Variants in USP13 observed in about 807,000 individuals in gnomAD.
USP13 encodes the protein ubiquitin carboxyl-terminal hydrolase 13.
In USP13, 68 loss-of-function variants were observed where a neutral mutation model predicts 107.8. The ratio of observed to expected loss-of-function variants is 0.63; its 90% CI spans 0.52 to 0.77. The LOEUF is 0.77. Ranked by LOEUF, USP13 falls within the 30% of genes least tolerant of loss-of-function variation. The pLI is 0.00. For missense variants in USP13, 945 were observed against 1,093.3 expected (o/e 0.86, Z 1.91); for synonymous variants, 377 against 389.5 (o/e 0.97, Z 0.38).
chr3:179,701,225 G>C, intron 4 of USP13, 96 bp downstream of exon 4: 1 of 363,156 alleles, frequency 2.8e-6, no homozygotes, highest in Non-Finnish European at 5.4e-6. Flanking sequence ...GGGGTGGGGT[G>C]GGAAAAGCCG....
intron 1 of USP13, among the ~76,000 whole-genome samples, chr3:179,664,572 A>G (rs1029159865): frequency 6.6e-6 from 1 of 152,170 alleles, no homozygotes; most frequent in African/African-American, 2.4e-5. Context: ...ACTGGGATCT[A>G]TGGTTGCAGA....
chr3:179,685,601 T>G (rs1188411107), intron 2 of USP13, among the ~76,000 whole-genome samples: 1 of 151,096 alleles, frequency 6.6e-6, no homozygotes, highest in Non-Finnish European at 1.5e-5. Flanking sequence ...GTTTTGTGAC[T>G]TAATATAAAG....
intron 19 of USP13, among the ~76,000 whole-genome samples, chr3:179,774,049 A>C (rs1045107247): frequency 6.4e-4 from 97 of 152,314 alleles, no homozygotes; most frequent in African/African-American, 2.2e-3. Flanking sequence ...AGTATACAAG[A>C]AGCACAGTGC....
At chr3:179,757,567 A>G (rs566188357) in intron 16 of USP13, among the ~76,000 whole-genome samples, 1 of 152,340 alleles carries the variant, frequency 6.6e-6, no homozygotes, top group East Asian at 1.9e-4. Context: ...ATAGCCTTTT[A>G]GTTCCTAATC....
At chr3:179,726,088 C>A (rs1484298376) in intron 8 of USP13, among the ~76,000 whole-genome samples, 1 of 151,850 alleles carries the variant, frequency 6.6e-6, no homozygotes, top group Admixed American at 6.6e-5. Flanking sequence ...CAGTCAGAAG[C>A]AGATGGTAGG....
intron 19 of USP13, among the ~76,000 whole-genome samples, chr3:179,778,452 A>C (rs1204407550): frequency 6.6e-6 from 1 of 152,210 alleles, no homozygotes; most frequent in Admixed American, 6.5e-5. Context: ...TAGACAATAA[A>C]TACGTGCACA....
intron 20 of USP13, 62 bp from the exon 21 acceptor site, chr3:179,783,983 ACTT>A: frequency 7.6e-7 from 1 of 1,315,984 alleles, no homozygotes; most frequent in Non-Finnish European, 1.1e-6. Flanking sequence ...TGATTTAGTG[ACTT>A]CTTTGTGTAA....
chr3:179,766,943 A>G (rs1715195682), intron 19 of USP13, among the ~76,000 whole-genome samples: 1 of 152,084 alleles, frequency 6.6e-6, no homozygotes, highest in South Asian at 2.1e-4. Flanking sequence ...TATACTCCCT[A>G]TACCTGCAGC....
At chr3:179,765,564 C>T (rs1715144511) in intron 18 of USP13, 131 bp from the exon 19 acceptor site, 7 of 1,070,668 alleles carry the variant, frequency 6.5e-6, no homozygotes, top group Non-Finnish European at 6.5e-6. Flanking sequence ...GCTTCTTACT[C>T]AGTGGCACTT....
rs145132804 is a variant in USP13 at position 179,732,505 on chromosome 3, G to T, written c.1254+1796G>T. Among the ~76,000 whole-genome samples the T allele has an allele frequency of 4.6e-5, 7 of 152,190 alleles. No individual in the cohort carries two copies. In the East Asian group the frequency reaches 1.4e-3, roughly 29 times the overall value. ...TCTGCAAGGAGTTGTGTGACTATGG[G>T]CAAGTCATGCCACCTTCCAATCTCA... On this transcript the variant is annotated intron_variant, in intron 10 of 20. Transcript: ENST00000263966.
rs1714140306 is a variant in USP13 at position 179,740,262 on chromosome 3, A to G, written c.1270A>G (p.Ile424Val). 6.2e-7 allele frequency: 1 copy of G among 1,613,984 alleles called. No individual in the cohort carries two copies. Among genetic ancestry groups the G allele is most frequent in the Non-Finnish European group, 8.5e-7 (1 of 1,179,958 alleles). ...KEEHKPQQNG[I>V]SPRMFKAFVS... ...TATACATTAGCCACAGCAGAACGGGATCTCTCCGCGCATGTTTAAGGCCTT... is the reference window on the plus strand; with the variant it reads ...TATACATTAGCCACAGCAGAACGGGGTCTCTCCGCGCATGTTTAAGGCCTT... Residue 424 changes from isoleucine (I) to valine (V), a missense_variant, in exon 11 of 21, where the codon ATC (isoleucine) becomes GTC (valine). By Grantham distance (29) the Ile-to-Val change is conservative (BLOSUM62 3). Transcript: ENST00000263966.
intron 8 of USP13, among the ~76,000 whole-genome samples, chr3:179,728,499 TG>T (rs1713657030): frequency 7.3e-6 from 1 of 136,614 alleles, no homozygotes; most frequent in Admixed American, 7.2e-5. Context: ...CTTTCCAGAC[TG>T]GGCAGCCAGG....
chr3:179,734,010 G>T (rs944544688), intron 10 of USP13, among the ~76,000 whole-genome samples: 2 of 152,164 alleles, frequency 1.3e-5, no homozygotes, highest in Non-Finnish European at 2.9e-5. Flanking sequence ...ATGGTGGCAG[G>T]TGGATGACAA....
chr3:179,681,234 A>C (rs547707417), intron 1 of USP13, among the ~76,000 whole-genome samples: 13 of 152,244 alleles, frequency 8.5e-5, no homozygotes, highest in African/African-American at 3.1e-4. Flanking sequence ...GTTGTGACCA[A>C]GCGAGTTACA....
At chr3:179,685,556 CT>C (rs1711838621) in intron 2 of USP13, among the ~76,000 whole-genome samples, 1 of 150,768 alleles carries the variant, frequency 6.6e-6, no homozygotes, top group African/African-American at 2.4e-5. Flanking sequence ...CTCACTAATT[CT>C]GTTAGGTGGT....
At chr3:179,710,770 G>A (rs1712894680) in intron 6 of USP13, among the ~76,000 whole-genome samples, 1 of 152,206 alleles carries the variant, frequency 6.6e-6, no homozygotes, top group South Asian at 2.1e-4. Context: ...GCTATATGAT[G>A]TAACCTGTTG....
At chr3:179,758,984 A>G (rs1487277637) in intron 16 of USP13, among the ~76,000 whole-genome samples, 1 of 151,442 alleles carries the variant, frequency 6.6e-6, no homozygotes, top group East Asian at 2.0e-4. Context: ...ATGGAATTAC[A>G]CATTTCTTTT....
chr3:179,755,486 G>T (rs1208826564), intron 15 of USP13, among the ~76,000 whole-genome samples: 1 of 152,088 alleles, frequency 6.6e-6, no homozygotes, highest in Non-Finnish European at 1.5e-5. Flanking sequence ...TATTAGTAGA[G>T]ATGGGGTTTC....
chr3:179,713,965 C>T (rs965334562), intron 6 of USP13, among the ~76,000 whole-genome samples: 1 of 152,136 alleles, frequency 6.6e-6, no homozygotes, highest in Non-Finnish European at 1.5e-5. Flanking sequence ...AGAACGGGCC[C>T]CACATGAAAT....
Sources: allele counts gnomAD v4.1 joint callset (sites outside exome capture counted in the v4.1 genomes callset), GRCh38; gene constraint gnomAD v4.1.1; transcripts MANE v1.5; gene names NCBI Gene and HGNC (gene_info 2026-07-23, HGNC 2026-07-21).